CDH4: variants seen among roughly 807,000 people sequenced by gnomAD.
CDH4 encodes the protein cadherin-4.
Under a neutral mutation model 86.0 loss-of-function variants are expected in CDH4, and 33 were observed. The ratio of observed to expected loss-of-function variants is 0.38; its 90% confidence interval spans 0.29 to 0.51. The LOEUF is 0.51. Among genes scored for constraint, CDH4 ranks in the 20% least tolerant of loss-of-function variants. The pLI is 0.86. For missense variants in CDH4, 1,114 were observed against 1,307.4 expected (o/e 0.85, Z 2.28); for synonymous variants, 555 against 549.4 (o/e 1.01, Z -0.14).
intron 4 of CDH4, among the ~76,000 whole-genome samples, chr20:61,841,394 C>T (rs945900208): frequency 1.3e-5 from 2 of 152,202 alleles, no homozygotes; most frequent in African/African-American, 4.8e-5. Context: ...AGAGGGGCTC[C>T]TCCCCTCTAT....
intron 2 of CDH4, among the ~76,000 whole-genome samples, chr20:61,503,210 G>C (rs952234735): frequency 3.9e-5 from 6 of 152,160 alleles, no homozygotes; most frequent in African/African-American, 1.2e-4. Context: ...TGATCAGGGC[G>C]AGGTCTTTGG....
At chr20:61,323,201 TG>T (rs2084518485) in intron 2 of CDH4, among the ~76,000 whole-genome samples, 1 of 152,192 alleles carries the variant, frequency 6.6e-6, no homozygotes, top group African/African-American at 2.4e-5. Context: ...TAGGGGAGTG[TG>T]CACCTAGAGG....
intron 3 of CDH4, among the ~76,000 whole-genome samples, chr20:61,750,017 C>A (rs1390978781): frequency 1.3e-5 from 2 of 152,044 alleles, no homozygotes; most frequent in Admixed American, 1.3e-4. Context: ...GCTGAGATTG[C>A]ACCACTGCAC....
intron 2 of CDH4, among the ~76,000 whole-genome samples, chr20:61,598,555 C>T (rs908532983): frequency 8.5e-5 from 13 of 152,182 alleles, no homozygotes; most frequent in African/African-American, 2.9e-4. Context: ...ACGACCCCTG[C>T]GGTGCCGGCA....
chr20:61,503,389 G>T (rs1230190945), intron 2 of CDH4, among the ~76,000 whole-genome samples: 2 of 152,152 alleles, frequency 1.3e-5, no homozygotes, highest in Admixed American at 1.3e-4. Flanking sequence ...AGGAAAAGGG[G>T]TCGTAAAAGT....
In CDH4 at chr20:61,681,080, G is replaced by A. The variant is rs566443577; in HGVS notation, c.170-62483G>A. On this transcript the variant is annotated intron_variant, in intron 2 of 15. Coordinates refer to ENST00000614565, the MANE Select transcript of CDH4 (RefSeq NM_001794.5). This position sits in a 1 kb window ranked among gnomAD's most constrained non-coding sequence, Gnocchi z 4.5. ...TTCTCTAACATAATCCCTCTGTGCC[G>A]TGCAATTATTAACACATCGCTTGAG... Among the ~76,000 whole-genome samples, 14 of 152,268 alleles carry A rather than the reference G, an allele frequency of 9.2e-5. No homozygotes were observed. Among genetic ancestry groups the A allele is most frequent in the Admixed American group, 7.2e-4 (11 of 15,286 alleles).
chr20:61,407,190 AC>A (rs1280736153), intron 2 of CDH4, among the ~76,000 whole-genome samples: 1 of 152,238 alleles, frequency 6.6e-6, no homozygotes, highest in Non-Finnish European at 1.5e-5. Context: ...GCCTCCTGCA[AC>A]AGTTAGCTGC....
At chr20:61,862,457 A>G (rs1983372433) in intron 6 of CDH4, among the ~76,000 whole-genome samples, 1 of 152,204 alleles carries the variant, frequency 6.6e-6, no homozygotes, top group African/African-American at 2.4e-5. Context: ...CTTGATGGAC[A>G]GGTGGGGTCC....
chr20:61,584,867 C>T (rs990319598), intron 2 of CDH4, among the ~76,000 whole-genome samples: 54 of 3,956 alleles, frequency 0.014, no homozygotes, highest in African/African-American at 0.11. Context: ...GCACTGCACA[C>T]TTGTCGTCTG....
chr20:61,617,916 G>C (rs572054503), intron 2 of CDH4, among the ~76,000 whole-genome samples: 1 of 152,326 alleles, frequency 6.6e-6, no homozygotes, highest in South Asian at 2.1e-4. Context: ...CTCCCATGCT[G>C]TTCTCATGGT....
rs6061670 is a variant in CDH4 at position 61,612,793 on chromosome 20, G to A, written c.170-130770G>A. 9.1e-4 allele frequency among the ~76,000 whole-genome samples: 139 copies of A among 152,176 alleles called. 3 individuals carry two copies. Among genetic ancestry groups the A allele is most frequent in the African/African-American group, 2.9e-3 (119 of 41,456 alleles). On this transcript the variant is annotated intron_variant, in intron 2 of 15. Transcript: ENST00000614565. ...GTGACGGTTTTGCATGCTGCATTTAGGCCTGTCACCCACAGGGCTTGGCTT... is the reference window on the plus strand; with the variant it reads ...GTGACGGTTTTGCATGCTGCATTTAAGCCTGTCACCCACAGGGCTTGGCTT...
At chr20:61,345,481 G>A (rs2084673539) in intron 2 of CDH4, among the ~76,000 whole-genome samples, 1 of 152,226 alleles carries the variant, frequency 6.6e-6, no homozygotes, top group Admixed American at 6.5e-5. Context: ...AATGTAGTAT[G>A]GGGTAAAAGA....
chr20:61,705,639 G>A (rs2087821292), intron 2 of CDH4, among the ~76,000 whole-genome samples: 2 of 152,186 alleles, frequency 1.3e-5, no homozygotes, highest in South Asian at 4.1e-4. Context: ...GTTCTGGGTG[G>A]GAGCGTGTAG....
At chr20:61,819,806 T>C (rs185417236) in intron 4 of CDH4, among the ~76,000 whole-genome samples, 2 of 152,212 alleles carry the variant, frequency 1.3e-5, no homozygotes, top group African/African-American at 2.4e-5. Flanking sequence ...GTTTTAGTTG[T>C]GCTGATGAAA....
At chr20:61,615,899 G>T (rs539232587) in intron 2 of CDH4, among the ~76,000 whole-genome samples, 1 of 152,356 alleles carries the variant, frequency 6.6e-6, no homozygotes, top group South Asian at 2.1e-4. Context: ...GCCTTCGGTG[G>T]GGTCAGCCTC....
At chr20:61,896,408 C>A (rs971151343) in intron 8 of CDH4, among the ~76,000 whole-genome samples, 1 of 152,190 alleles carries the variant, frequency 6.6e-6, no homozygotes, top group Non-Finnish European at 1.5e-5. Flanking sequence ...AGGCCTGGGG[C>A]GCAGCTGCAC....
intron 2 of CDH4, among the ~76,000 whole-genome samples, chr20:61,585,991 A>ATAG (rs1555811231): frequency 7.2e-6 from 1 of 139,440 alleles, no homozygotes; most frequent in African/African-American, 2.6e-5. Context: ...GATGATGGTG[A>ATAG]TGATGATGAT....
rs528889288 is a variant in CDH4, at chr20:61,878,021, G to C, written c.1050+4121G>C. Reference sequence around the variant, plus strand: ...GGGGGCCCCAGAGGGAGGACTTCGTGGACACAGACGGGCGTGGTCATCCCA... The same window carrying C: ...GGGGGCCCCAGAGGGAGGACTTCGTCGACACAGACGGGCGTGGTCATCCCA... On this transcript the variant is annotated intron_variant, in intron 7 of 15. Coordinates refer to ENST00000614565, the MANE Select transcript of CDH4 (RefSeq NM_001794.5). Among the ~76,000 whole-genome samples, 4 of 152,176 alleles carry C rather than the reference G, an allele frequency of 2.6e-5. No homozygotes were observed. The East Asian group carries it at 7.7e-4, about 29-fold the overall frequency.
In CDH4 at chr20:61,377,517, G is replaced by A. The variant is rs1315839584; in HGVS notation, c.169+122580G>A. 6.6e-6 allele frequency among the ~76,000 whole-genome samples: 1 copy of A among 152,204 alleles called. No homozygotes were observed. Among genetic ancestry groups the A allele is most frequent in the African/African-American group, 2.4e-5 (1 of 41,448 alleles). On this transcript the variant is annotated intron_variant, in intron 2 of 15. Transcript: ENST00000614565. This position sits in a 1 kb window ranked among gnomAD's most constrained non-coding sequence, Gnocchi z 4.0. The stretch of plus-strand genomic sequence containing the variant: ...TGTGCACTTGTATAAAGAGGAGGCT[G>A]TGGTTACGGTGACCTTCAAATGTCC...
Sources: gnomAD v4.1 joint callset for allele counts (sites outside exome capture counted in the v4.1 genomes callset) on GRCh38, gnomAD v4.1.1 for gene constraint, Gnocchi (gnomAD v3.1) non-coding constraint, MANE v1.5 for transcripts, NCBI Gene and HGNC (gene_info 2026-07-23, HGNC 2026-07-21) for gene names.